GCSAM: variants seen among roughly 807,000 people sequenced by gnomAD.
GCSAM encodes germinal center associated signaling and motility.
A neutral mutation model predicts 17.6 loss-of-function variants in GCSAM; 8 were observed. The ratio of observed to expected loss-of-function variants is 0.46; its 90% CI spans 0.27 to 0.82. The LOEUF is 0.82. Ranked by LOEUF, GCSAM falls within the 40% of genes least tolerant of loss-of-function variation. The pLI is 0.15. For missense variants in GCSAM, 192 were observed against 213.5 expected, an observed-to-expected ratio of 0.90 and a Z score of 0.63; for synonymous variants, 68 against 69.0, an observed-to-expected ratio of 0.98 and a Z score of 0.07.
At chr3:112,128,520 A>G (rs1270400105) in intron 2 of GCSAM, 3 of 298,810 alleles carry the variant, frequency 1.0e-5, no homozygotes, top group Non-Finnish European at 1.3e-5. Flanking sequence ...ATTCTACACT[A>G]GAATGTGAGC....
At chr3:112,131,708 C>T (rs1451683685) in intron 1 of GCSAM, among the ~76,000 whole-genome samples, 1 of 152,158 alleles carries the variant, frequency 6.6e-6, no homozygotes, top group Non-Finnish European at 1.5e-5. Context: ...TTACATCTGA[C>T]ACCATATATT....
At chr3:112,125,687 G>A (rs2074301647) in intron 4 of GCSAM, among the ~76,000 whole-genome samples, 1 of 149,090 alleles carries the variant, frequency 6.7e-6, no homozygotes, top group Non-Finnish European at 1.5e-5. Flanking sequence ...ACAGACAAGG[G>A]GCTCTGAGAG....
chr3:112,130,078 A>G (rs1465706195), intron 2 of GCSAM: 1 of 205,958 alleles, frequency 4.9e-6, no homozygotes, highest in Non-Finnish European at 1.0e-5. Context: ...TGGTCACTTC[A>G]GAAATAGACA....
chr3:112,125,721 C>T (rs534081595), intron 4 of GCSAM, among the ~76,000 whole-genome samples: 2 of 152,168 alleles, frequency 1.3e-5, no homozygotes, highest in East Asian at 1.9e-4. Context: ...AGCAGAGGGC[C>T]GTCGTTTCTA....
chr3:112,125,959 CAT>C (rs1365163067), intron 4 of GCSAM, among the ~76,000 whole-genome samples: 1 of 152,234 alleles, frequency 6.6e-6, no homozygotes, highest in African/African-American at 2.4e-5. Flanking sequence ...CATAAACAAA[CAT>C]GTGCCCTCAC....
intron 2 of GCSAM, chr3:112,129,045 A>C (rs140146131): frequency 6.6e-6 from 1 of 151,960 alleles, no homozygotes; most frequent in Non-Finnish European, 1.5e-5. Context: ...CATTCTGACA[A>C]CCTCTAAGAT....
intron 2 of GCSAM, 170 bp downstream of exon 2, chr3:112,130,275 C>G: frequency 1.6e-6 from 1 of 632,994 alleles, no homozygotes; most frequent in Non-Finnish European, 2.9e-6. Flanking sequence ...TATCTCCTGT[C>G]CAAAGTTTTC....
intron 4 of GCSAM, 27 bp from the exon 5 acceptor site, chr3:112,125,281 A>G: frequency 1.3e-6 from 2 of 1,516,188 alleles, no homozygotes; most frequent in South Asian, 1.1e-5. Flanking sequence ...CACTCAATGA[A>G]TTTCAGGTTA....
chr3:112,127,753 A>C (rs901605358), intron 3 of GCSAM, among the ~76,000 whole-genome samples: 2 of 152,214 alleles, frequency 1.3e-5, no homozygotes, highest in Non-Finnish European at 2.9e-5. Flanking sequence ...GTGTGAAAAA[A>C]ACGTATGTTT....
intron 5 of GCSAM, among the ~76,000 whole-genome samples, chr3:112,124,809 CT>C (rs1330039670): frequency 6.6e-6 from 1 of 152,102 alleles, no homozygotes; most frequent in East Asian, 1.9e-4. Context: ...TGAAGTGAGA[CT>C]TGGTTTTGAA....
chr3:112,121,464 G>A lies in GCSAM; in HGVS notation c.*1991C>T, dbSNP rs1215621826. 1.3e-5 allele frequency: 2 copies of A among 152,168 alleles called. No homozygotes were observed. The highest frequency in any genetic ancestry group is 4.8e-5 in the African/African-American group (2 of 41,434). 9.4% of individuals were successfully genotyped at this position (152,168 alleles called of 1,614,324 possible). A position where few individuals can be genotyped will look rare whatever the true frequency, so the allele number is the denominator to read the frequency against. On this transcript the variant is annotated 3_prime_UTR_variant, in exon 6 of 6. Transcript: ENST00000308910. ...CATTAGATGTAATCCTCCTGTTGATGGTGAAGAAGCTGAGCCTCCAAGTAG... is the reference window on the plus strand; with the variant it reads ...CATTAGATGTAATCCTCCTGTTGATAGTGAAGAAGCTGAGCCTCCAAGTAG...
At chr3:112,125,382 C>A in intron 4 of GCSAM, 128 bp from the exon 5 acceptor site, 1 of 685,150 alleles carries the variant, frequency 1.5e-6, no homozygotes, top group Non-Finnish European at 2.6e-6. Context: ...TCAGGCTATT[C>A]TGATCTACAG....
Position 112,133,177 on chromosome 3 carries a change from G to A in GCSAM, c.-57C>T. On this transcript the variant is annotated 5_prime_UTR_variant, in exon 1 of 6. Coordinates refer to ENST00000308910, the MANE Select transcript of GCSAM (RefSeq NM_152785.5). Reference sequence around the variant, plus strand: ...CCCTTTACCACTTCCTTCTTGCCTTGTGCTCTGACAGGGCAACTCCTGACT... The same window carrying A: ...CCCTTTACCACTTCCTTCTTGCCTTATGCTCTGACAGGGCAACTCCTGACT... The A allele has an allele frequency of 1.9e-6, 3 of 1,594,240 alleles. No individual in the cohort carries two copies. Among genetic ancestry groups the A allele is most frequent in the Non-Finnish European group, 2.6e-6 (3 of 1,162,184 alleles).
intron 4 of GCSAM, among the ~76,000 whole-genome samples, chr3:112,125,566 T>C (rs2074298317): frequency 6.6e-6 from 1 of 152,224 alleles, no homozygotes; most frequent in Admixed American, 6.5e-5. Context: ...TTACACAAAA[T>C]TGATTTGTGT....
intron 3 of GCSAM, among the ~76,000 whole-genome samples, chr3:112,127,305 A>G (rs2074348859): frequency 6.6e-6 from 1 of 152,234 alleles, no homozygotes; most frequent in African/African-American, 2.4e-5. Flanking sequence ...ATATGGTGAT[A>G]GAGGTTACTT....
At chr3:112,126,597 A>C (rs577690393) in intron 4 of GCSAM, among the ~76,000 whole-genome samples, 4 of 152,144 alleles carry the variant, frequency 2.6e-5, no homozygotes, top group Non-Finnish European at 5.9e-5. Flanking sequence ...CCACTGTGTA[A>C]AGCCAGTATC....
Position 112,122,443 on chromosome 3 carries a change from A to G in GCSAM, c.*1012T>C, listed in dbSNP as rs965421243. ...TGCTGATCCCTGGTTTAGAGGATAG[A>G]TATAATTTGAGGAACACTAAGGAAA... On this transcript the variant is annotated 3_prime_UTR_variant, in exon 6 of 6. Coordinates refer to ENST00000308910, the MANE Select transcript of GCSAM (RefSeq NM_152785.5). 1.3e-5 allele frequency: 2 copies of G among 152,330 alleles called. No homozygotes were observed. The highest frequency in any genetic ancestry group is 4.8e-5 in the African/African-American group (2 of 41,572). 9.4% of individuals were successfully genotyped at this position (152,330 alleles called of 1,614,324 possible).
chr3:112,124,068 T>G lies in GCSAM; in HGVS notation c.220-296A>C, dbSNP rs564492643. Among the ~76,000 whole-genome samples the G allele has an allele frequency of 1.1e-3, 170 of 152,354 alleles. 2 individuals carry two copies. Among genetic ancestry groups the G allele is most frequent in the Non-Finnish European group, 2.0e-3 (136 of 68,036 alleles). Reference sequence around the variant, plus strand: ...CCCTGCAAATCTAATGTTGAAATTTTGTTCCCATTGTTGGAGGTGGTGCCT... The same window carrying G: ...CCCTGCAAATCTAATGTTGAAATTTGGTTCCCATTGTTGGAGGTGGTGCCT... On this transcript the variant is annotated intron_variant, in intron 5 of 5. Transcript: ENST00000308910.
At position 112,123,517 on chromosome 3, in the gene GCSAM, G is replaced by A; in HGVS notation, c.475C>T (p.His159Tyr). The A allele has an allele frequency of 6.2e-7, 1 of 1,614,204 alleles. No homozygotes were observed. Among genetic ancestry groups the A allele is most frequent in the Non-Finnish European group, 8.5e-7 (1 of 1,180,022 alleles). ...AGTGGACGTGGCTGTTGCAGAAAGT[G>A]AGAGGAGATTCTGTGAGGCATGAGA... is the stretch of plus-strand genomic sequence containing the variant. ...ELLMPHRISS[H>Y]FLQQPRPLMA... The change falls in exon 6 of 6, where the codon CAC (histidine) becomes TAC (tyrosine). Residue 159 changes from histidine (H) to tyrosine (Y), a missense_variant. Transcript: ENST00000308910.
Sources: gnomAD v4.1 joint callset for allele counts (sites outside exome capture counted in the v4.1 genomes callset) on GRCh38, gnomAD v4.1.1 for gene constraint, MANE v1.5 for transcripts, NCBI Gene and HGNC (gene_info 2026-07-23, HGNC 2026-07-21) for gene names.